The following BSPH1 variants were observed in gnomAD, a reference collection of about 807,000 sequenced individuals.
BSPH1 encodes the protein binder of sperm 1.
A neutral mutation model predicts 22.5 loss-of-function variants in BSPH1; 21 were observed. The ratio of observed to expected loss-of-function variants is 0.93; its 90% confidence interval spans 0.66 to 1.35. The LOEUF is 1.35. BSPH1 is among the 40% of genes most tolerant of loss of function. The pLI, the probability that BSPH1 is intolerant of heterozygous loss-of-function variation, is 0.00. For missense variants in BSPH1, 141 were observed against 154.2 expected (o/e 0.91, Z 0.45); for synonymous variants, 42 against 53.6 (o/e 0.78, Z 0.95).
At chr19:47,973,611 A>G (rs1969332475) in intron 5 of BSPH1, among the ~76,000 whole-genome samples, 1 of 152,220 alleles carries the variant, frequency 6.6e-6, no homozygotes, top group Non-Finnish European at 1.5e-5. Context: ...GCTGGTTGCT[A>G]CAACAGTTGG....
rs1338230364 is a variant in BSPH1, at chr19:47,976,736, G to A, written c.375C>T (p.Asp125=). The change falls in exon 5 of 6, where the codon GAC becomes GAT. Residue 125 remains aspartate, a synonymous_variant. Transcript: ENST00000344839. The part of the protein sequence containing the change: ...WCSLTKNFNK[D]RIWKYCE Reference sequence around the variant, plus strand: ...ATCATTCACAGTATTTCCAAATTCGGTCCTTGTTAAAATTCTTGGTCAGTG... The same window carrying A: ...ATCATTCACAGTATTTCCAAATTCGATCCTTGTTAAAATTCTTGGTCAGTG... 6.4e-7 allele frequency: 1 copy of A among 1,551,742 alleles called. No homozygotes were observed. The highest frequency in any genetic ancestry group is 1.2e-5 in the South Asian group (1 of 84,058).
intron 1 of BSPH1, chr19:47,981,833 G>T: frequency 1.6e-6 from 1 of 633,100 alleles, no homozygotes; most frequent in Non-Finnish European, 2.0e-6. Flanking sequence ...CATTCAACCT[G>T]TAATATTTAC....
chr19:47,976,319 C>CG (rs1969362308), intron 5 of BSPH1, among the ~76,000 whole-genome samples: 1 of 151,850 alleles, frequency 6.6e-6, no homozygotes, highest in Non-Finnish European at 1.5e-5. Flanking sequence ...TTTGTAGAAA[C>CG]GGGGTCTTGC....
intron 1 of BSPH1, among the ~76,000 whole-genome samples, chr19:47,982,648 G>A (rs1438352450): frequency 2.0e-5 from 3 of 152,132 alleles, no homozygotes; most frequent in Non-Finnish European, 4.4e-5. Context: ...ACAAATATTT[G>A]TAAACCCATG....
chr19:47,970,542 C>G (rs1042723826), intron 5 of BSPH1, among the ~76,000 whole-genome samples: 2 of 152,140 alleles, frequency 1.3e-5, no homozygotes, highest in Non-Finnish European at 2.9e-5. Flanking sequence ...TGATGCGGAT[C>G]GCAAGATCCT....
intron 1 of BSPH1, among the ~76,000 whole-genome samples, chr19:47,989,378 T>C (rs1969502021): frequency 6.6e-6 from 1 of 151,844 alleles, no homozygotes; most frequent in Non-Finnish European, 1.5e-5. Context: ...ACTCCTGACC[T>C]TGTGATCCGC....
chr19:47,975,891 G>A (rs1010131656), intron 5 of BSPH1, among the ~76,000 whole-genome samples: 7 of 152,126 alleles, frequency 4.6e-5, no homozygotes, highest in Non-Finnish European at 5.9e-5. Flanking sequence ...TCCTGACCTC[G>A]TGATCCACCC....
chr19:47,970,661 T>A (rs1969303575), intron 5 of BSPH1, among the ~76,000 whole-genome samples: 1 of 152,212 alleles, frequency 6.6e-6, no homozygotes, highest in African/African-American at 2.4e-5. Flanking sequence ...GTGATTATTT[T>A]GGTTATTGTT....
At chr19:47,991,611 CT>C (rs1466833636) in intron 1 of BSPH1, among the ~76,000 whole-genome samples, 1 of 86,478 alleles carries the variant, frequency 1.2e-5, no homozygotes, top group African/African-American at 4.6e-5. Context: ...CCTCCTCCCC[CT>C]CTTCCTCCTC....
chr19:47,984,151 GAAA>G (rs66621103), intron 1 of BSPH1, among the ~76,000 whole-genome samples: 13 of 138,646 alleles, frequency 9.4e-5, no homozygotes, highest in African/African-American at 3.4e-4. Context: ...CTGGCTTGAA[GAAA>G]AAAAAAAAAA....
rs143756537 is a variant in BSPH1 at position 47,986,039 on chromosome 19, C to T, written c.74-5098G>A. Among the ~76,000 whole-genome samples, 552 of 152,118 alleles carry T rather than the reference C, an allele frequency of 3.6e-3. 1 individual carries two copies. The highest frequency in any genetic ancestry group is 0.012 in the African/African-American group (506 of 41,516). On this transcript the variant is annotated intron_variant, in intron 1 of 5. Transcript: ENST00000344839. ...TATCAGACTTTATTCTTCCAAGCTACGGAGCCCCAGAGGAGGGAGGAGTCT... is the reference window on the plus strand; with the variant it reads ...TATCAGACTTTATTCTTCCAAGCTATGGAGCCCCAGAGGAGGGAGGAGTCT...
intron 5 of BSPH1, among the ~76,000 whole-genome samples, chr19:47,968,681 TAAAAA>T (rs71181616): frequency 8.7e-5 from 8 of 92,242 alleles, no homozygotes; most frequent in Admixed American, 2.9e-4. Context: ...GACCCTGTCT[TAAAAA>T]AAAAAAAAAA....
At chr19:47,979,907 GTTC>G (rs1200508869) in intron 2 of BSPH1, among the ~76,000 whole-genome samples, 1 of 151,786 alleles carries the variant, frequency 6.6e-6, no homozygotes, top group African/African-American at 2.4e-5. Context: ...TGTCCAGTTG[GTTC>G]TTATCAGTAT....
intron 5 of BSPH1, among the ~76,000 whole-genome samples, chr19:47,971,129 C>T (rs568353831): frequency 3.3e-5 from 5 of 152,194 alleles, no homozygotes; most frequent in Non-Finnish European, 4.4e-5. Flanking sequence ...TCACTGGGAC[C>T]GTCCCTGCTT....
intron 1 of BSPH1, chr19:47,981,619 G>A (rs554254306): frequency 1.6e-4 from 47 of 301,728 alleles, no homozygotes; most frequent in African/African-American, 6.5e-4. Flanking sequence ...AGGAAGTAAC[G>A]GCCCAAACCC....
At chr19:47,986,204 G>T (rs1969469228) in intron 1 of BSPH1, among the ~76,000 whole-genome samples, 1 of 152,202 alleles carries the variant, frequency 6.6e-6, no homozygotes, top group Admixed American at 6.5e-5. Flanking sequence ...GCTGGGTCAG[G>T]AGTCTTCCCA....
At chr19:47,974,545 C>T (rs1240406756) in intron 5 of BSPH1, among the ~76,000 whole-genome samples, 1 of 152,030 alleles carries the variant, frequency 6.6e-6, no homozygotes, top group African/African-American at 2.4e-5. Flanking sequence ...GCTGGGATTA[C>T]AGGCGTGAGC....
At chr19:47,977,780 G>T (rs957964435) in intron 3 of BSPH1, 1 of 624,986 alleles carries the variant, frequency 1.6e-6, no homozygotes, top group Non-Finnish European at 2.0e-6. Flanking sequence ...TCTCCTAAGC[G>T]TAGAAATATA....
At chr19:47,985,015 CA>C (rs1451451543) in intron 1 of BSPH1, among the ~76,000 whole-genome samples, 2 of 145,882 alleles carry the variant, frequency 1.4e-5, no homozygotes, top group Non-Finnish European at 3.0e-5. Context: ...TGCAGTGAGC[CA>C]AGATCGCACC....
Sources: allele counts gnomAD v4.1 joint callset (sites outside exome capture counted in the v4.1 genomes callset), GRCh38; gene constraint gnomAD v4.1.1; transcripts MANE v1.5; gene names NCBI Gene and HGNC (gene_info 2026-07-23, HGNC 2026-07-21).